The following RHEX variants were observed in gnomAD, a reference collection of about 807,000 sequenced individuals.
RHEX encodes the protein regulator of hemoglobinization and erythroid cell expansion, also known as regulator of hemoglobinization and erythroid cell expansion protein.
RHEX carries 18 observed loss-of-function variants against 20.1 expected under a neutral mutation model. That is an observed-to-expected ratio of 0.90 (90% CI 0.62 to 1.33). RHEX has a LOEUF of 1.33. Ranked by LOEUF, RHEX falls within the 40% of genes most tolerant of loss-of-function variation. The pLI is 0.00. For synonymous variants in RHEX, 87 were observed against 77.1 expected (o/e 1.13, Z -0.67); for missense variants, 192 against 214.3 (o/e 0.90, Z 0.65).
intron 1 of RHEX, among the ~76,000 whole-genome samples, chr1:206,057,661 A>G (rs1662219352): frequency 6.6e-6 from 1 of 152,250 alleles, no homozygotes; most frequent in Admixed American, 6.5e-5. Flanking sequence ...AATTGGCACC[A>G]TTAAGCCATC....
chr1:206,064,638 G>C (rs1241316463), intron 1 of RHEX, among the ~76,000 whole-genome samples: 1 of 145,162 alleles, frequency 6.9e-6, no homozygotes, highest in East Asian at 2.1e-4. Flanking sequence ...CGGCCGCCCC[G>C]TCCCGGGGGG....
chr1:206,083,918 G>A (rs1348051521), intron 1 of RHEX, among the ~76,000 whole-genome samples: 8 of 152,168 alleles, frequency 5.3e-5, no homozygotes, highest in Non-Finnish European at 2.9e-5. Flanking sequence ...TTTGGGTCCA[G>A]CAAAAACTGG....
chr1:206,064,377 C>CA (rs2102308570), intron 1 of RHEX, among the ~76,000 whole-genome samples: 1 of 127,176 alleles, frequency 7.9e-6, no homozygotes, highest in East Asian at 2.6e-4. Context: ...CTGCCCCGTC[C>CA]GGGAGGGAGG....
At chr1:206,094,328 T>C (rs1553287422) in intron 1 of RHEX, among the ~76,000 whole-genome samples, 1 of 152,228 alleles carries the variant, frequency 6.6e-6, no homozygotes, top group Non-Finnish European at 1.5e-5. Flanking sequence ...ACATCTGTCA[T>C]AATTTTCATA....
intron 1 of RHEX, among the ~76,000 whole-genome samples, chr1:206,065,172 C>T (rs1662399890): frequency 1.3e-5 from 2 of 152,102 alleles, no homozygotes; most frequent in Non-Finnish European, 2.9e-5. Context: ...CTAGGAAAAC[C>T]AGAGACCTTT....
rs1203947450 is a variant in RHEX at position 206,101,138 on chromosome 1, G to A, written c.259G>A (p.Asp87Asn). ...GAACCGTTTCTATTTCTCCCCAGAT[G>A]ACAGCGACACACCCTCAGATAGCTT... Reference protein sequence around the residue: ...IPMSDSLYRHDSDTPSDSLDS... With the variant: ...IPMSDSLYRHNSDTPSDSLDS... Residue 87 changes from aspartate to asparagine, a missense_variant and splice_region_variant, in exon 5 of 6, where the codon GAC becomes AAC. Asp to Asn is a conservative substitution (Grantham distance 23). Coordinates refer to ENST00000331555, the MANE Select transcript of RHEX (RefSeq NM_001007544.4). 1.2e-6 allele frequency: 2 copies of A among 1,612,072 alleles called. No individual in the cohort carries two copies. Among genetic ancestry groups the A allele is most frequent in the Admixed American group, 1.7e-5 (1 of 59,544 alleles).
chr1:206,073,297 G>T (rs1319822857), intron 1 of RHEX, among the ~76,000 whole-genome samples: 1 of 152,120 alleles, frequency 6.6e-6, no homozygotes, highest in African/African-American at 2.4e-5. Flanking sequence ...AATCTACATT[G>T]CCAGCAGCAG....
chr1:206,065,928 A>G (rs1553284124), intron 1 of RHEX, among the ~76,000 whole-genome samples: 1 of 152,230 alleles, frequency 6.6e-6, no homozygotes, highest in African/African-American at 2.4e-5. Flanking sequence ...TGCTTTAGCC[A>G]GGACTGGGCT....
At chr1:206,098,731 A>G (rs1381200623) in intron 3 of RHEX, among the ~76,000 whole-genome samples, 6 of 152,202 alleles carry the variant, frequency 3.9e-5, no homozygotes, top group Admixed American at 1.3e-4. Context: ...TTTCTAGTTA[A>G]GTCTACCTTC....
At chr1:206,086,863 C>G (rs998200020) in intron 1 of RHEX, among the ~76,000 whole-genome samples, 1 of 151,418 alleles carries the variant, frequency 6.6e-6, no homozygotes, top group African/African-American at 2.4e-5. Context: ...AAAAATTAGC[C>G]AGGCATGGTG....
At chr1:206,087,819 G>T (rs1346863506) in intron 1 of RHEX, among the ~76,000 whole-genome samples, 1 of 152,216 alleles carries the variant, frequency 6.6e-6, no homozygotes, top group East Asian at 1.9e-4. Flanking sequence ...CTTGAAAACT[G>T]CTGAGAGTAG....
rs1415978857 is a variant in RHEX at position 206,067,377 on chromosome 1, C to G, written c.-97+14112C>G. 1.3e-5 allele frequency among the ~76,000 whole-genome samples: 2 copies of G among 152,112 alleles called. No homozygotes were observed. Among genetic ancestry groups the G allele is most frequent in the Admixed American group, 6.5e-5 (1 of 15,286 alleles). On this transcript the variant is annotated intron_variant, in intron 1 of 5. Transcript: ENST00000331555. This position sits in a 1 kb window ranked among gnomAD's most constrained non-coding sequence, Gnocchi z 4.6. ...GTAGATAGTTCTTCCTAGCTCTGAG[C>G]TCAAAGTTTCCCAAAGGGTATTTTT...
chr1:206,080,870 A>C (rs1553285782), intron 1 of RHEX, among the ~76,000 whole-genome samples: 1 of 152,108 alleles, frequency 6.6e-6, no homozygotes, highest in African/African-American at 2.4e-5. Flanking sequence ...TGGCATGATC[A>C]TGGCCCACTG....
chr1:206,064,447 AGCCCCCCGCCCGACCAGCCGCCCC>A (rs1662378511), intron 1 of RHEX, among the ~76,000 whole-genome samples: 1 of 60,728 alleles, frequency 1.6e-5, no homozygotes, highest in African/African-American at 9.5e-5. Context: ...TGGGGGGGTC[AGCCCCCCGCCCGACCAGCCGCCCC>A]GTCCGGGAGG....
intron 1 of RHEX, among the ~76,000 whole-genome samples, chr1:206,070,291 C>T (rs1558172053): frequency 6.6e-6 from 1 of 152,198 alleles, no homozygotes; most frequent in Non-Finnish European, 1.5e-5. Context: ...ATATCCACGG[C>T]TTCTCTCAGA....
chr1:206,071,304 G>T (rs974796678), intron 1 of RHEX, among the ~76,000 whole-genome samples: 5 of 152,110 alleles, frequency 3.3e-5, no homozygotes, highest in Non-Finnish European at 5.9e-5. Flanking sequence ...TGATTCCTCT[G>T]CCAGCTTTTA....
At chr1:206,096,563 C>T (rs1480073265) in intron 1 of RHEX, among the ~76,000 whole-genome samples, 2 of 152,340 alleles carry the variant, frequency 1.3e-5, no homozygotes, top group African/African-American at 4.8e-5. Flanking sequence ...AAATCAGCAT[C>T]TGTACTGAAA....
Position 206,079,095 on chromosome 1 carries a change from G to A in RHEX, c.-96-18638G>A, listed in dbSNP as rs180946431. ...TTCTTTATCTTAATATAGTGTTCAT[G>A]ATATATTCCTTGTAAAGTTGTTCTG... On this transcript the variant is annotated intron_variant, in intron 1 of 5. Transcript: ENST00000331555. Among the ~76,000 whole-genome samples, 28 of 152,274 alleles carry A rather than the reference G, an allele frequency of 1.8e-4. No individual in the cohort carries two copies. The East Asian group carries it at 3.1e-3, about 17-fold the overall frequency.
At chr1:206,065,671 A>G (rs1236931547) in intron 1 of RHEX, among the ~76,000 whole-genome samples, 6 of 152,192 alleles carry the variant, frequency 3.9e-5, no homozygotes, top group African/African-American at 1.4e-4. Flanking sequence ...AGGGACAGGA[A>G]AGTCCTGCCT....
Sources: allele counts gnomAD v4.1 joint callset (sites outside exome capture counted in the v4.1 genomes callset), GRCh38; gene constraint gnomAD v4.1.1; non-coding constraint Gnocchi (gnomAD v3.1); transcripts MANE v1.5; gene names NCBI Gene and HGNC (gene_info 2026-07-23, HGNC 2026-07-21).